EIF2AK2: variants seen among roughly 807,000 people sequenced by gnomAD.
EIF2AK2 encodes the protein interferon-induced, double-stranded RNA-activated protein kinase.
A neutral mutation model predicts 70.5 loss-of-function variants in EIF2AK2; 40 were observed. The observed-to-expected ratio is 0.57, with a 90% CI of 0.44 to 0.74. The LOEUF (loss-of-function observed/expected upper bound fraction) is 0.74, where lower values mean the gene tolerates loss of function less well. EIF2AK2 is among the 30% of genes least tolerant of loss of function. EIF2AK2 has a pLI of 0.00. For missense variants in EIF2AK2, 555 were observed against 644.3 expected (o/e 0.86, Z 1.50); for synonymous variants, 198 against 220.9 (o/e 0.90, Z 0.92).
chr2:37,107,801 A>C (rs1674013733), intron 15 of EIF2AK2, among the ~76,000 whole-genome samples: 1 of 152,144 alleles, frequency 6.6e-6, no homozygotes, highest in Admixed American at 6.5e-5. Context: ...TAACTGTTTT[A>C]CAGAGGATAA....
chr2:37,144,540 G>A (rs112284289), intron 4 of EIF2AK2, among the ~76,000 whole-genome samples: 377 of 152,014 alleles, frequency 2.5e-3, no homozygotes, highest in African/African-American at 8.9e-3. Context: ...TCCTGACGCT[G>A]TGTAGGCCTA....
intron 8 of EIF2AK2, 69 bp downstream of exon 8, chr2:37,138,201 G>GA (rs1675195296): frequency 7.4e-6 from 9 of 1,219,712 alleles, no homozygotes; most frequent in Non-Finnish European, 9.3e-6. Flanking sequence ...AATACTGGAA[G>GA]TTATTTTTAA....
Position 37,148,884 on chromosome 2 carries a change from C to A in EIF2AK2, c.-44G>T, listed in dbSNP as rs549560138. 6.7e-4 allele frequency: 562 copies of A among 833,986 alleles called. 1 individual carries two copies. Among genetic ancestry groups the A allele is most frequent in the Middle Eastern group, 1.6e-3 (7 of 4,492 alleles). 51.7% of individuals were successfully genotyped at this position (833,986 alleles called of 1,614,324 possible). ...GGTTGGAAGCTTTGTCCAAAATGCA[C>A]GCAGATAATCACGGAAGTGTGGATG... is the stretch of plus-strand genomic sequence containing the variant. On this transcript the variant is annotated 5_prime_UTR_variant, in exon 2 of 17. Coordinates refer to ENST00000233057, the MANE Select transcript of EIF2AK2 (RefSeq NM_001135651.3).
In EIF2AK2 at chr2:37,114,632, T is replaced by C. The variant is rs142084798; in HGVS notation, c.1377+99A>G. ...AATGGTAAGGAAAATTTTTAGTATATACTTCTGTACAGTTTTAATTATATA... is the reference window on the plus strand; with the variant it reads ...AATGGTAAGGAAAATTTTTAGTATACACTTCTGTACAGTTTTAATTATATA... On this transcript the variant is annotated intron_variant, in intron 14 of 16. Coordinates refer to ENST00000233057, the MANE Select transcript of EIF2AK2 (RefSeq NM_001135651.3). 1.2e-4 allele frequency: 139 copies of C among 1,119,758 alleles called. No homozygotes were observed. The African/African-American group carries it at 2.0e-3, about 16-fold the overall frequency. 69.4% of individuals were successfully genotyped at this position (1,119,758 alleles called of 1,614,324 possible). A position where few individuals can be genotyped will look rare whatever the true frequency, so the allele number is the denominator to read the frequency against.
intron 4 of EIF2AK2, among the ~76,000 whole-genome samples, chr2:37,142,879 T>C (rs1380610707): frequency 6.6e-6 from 1 of 152,170 alleles, no homozygotes; most frequent in African/African-American, 2.4e-5. Context: ...TTTCCTCTTC[T>C]CTCTAGATGC....
intron 13 of EIF2AK2, among the ~76,000 whole-genome samples, 162 bp from the exon 14 acceptor site, chr2:37,115,021 G>A (rs1050640532): frequency 3.3e-5 from 5 of 150,710 alleles, no homozygotes; most frequent in African/African-American, 1.2e-4. Flanking sequence ...TCTTTAAAAT[G>A]CCAGCTGAAA....
chr2:37,107,087 T>G lies in EIF2AK2; in HGVS notation c.*186A>C. 1.4e-6 allele frequency: 1 copy of G among 695,098 alleles called. No homozygotes were observed. The allele number at this position is 695,098 out of a possible 1,614,324, so 43.1% of individuals were successfully genotyped here. The stretch of plus-strand genomic sequence containing the variant: ...AGAGATGAGCCAGGAAAAAGTAAAA[T>G]GTAAGAATGTTTTTGAAGCAAAAAG... On this transcript the variant is annotated 3_prime_UTR_variant, in exon 17 of 17. Coordinates refer to ENST00000233057, the MANE Select transcript of EIF2AK2 (RefSeq NM_001135651.3).
chr2:37,140,632 T>C (rs1001337334), intron 5 of EIF2AK2, among the ~76,000 whole-genome samples: 1 of 151,712 alleles, frequency 6.6e-6, no homozygotes, highest in Non-Finnish European at 1.5e-5. Flanking sequence ...CTTCTTTCTT[T>C]TAGGTATCTA....
intron 14 of EIF2AK2, among the ~76,000 whole-genome samples, chr2:37,114,325 A>C (rs184041490): frequency 2.0e-5 from 3 of 152,056 alleles, no homozygotes; most frequent in African/African-American, 7.2e-5. Context: ...ACAACAACAA[A>C]AAATATTAAA....
chr2:37,116,895 G>C (rs769234881), intron 13 of EIF2AK2, among the ~76,000 whole-genome samples: 9 of 152,074 alleles, frequency 5.9e-5, no homozygotes, highest in Non-Finnish European at 1.0e-4. Context: ...GAAAATATCA[G>C]ATCACTTTTT....
chr2:37,145,442 C>T (rs563091755), intron 4 of EIF2AK2, among the ~76,000 whole-genome samples: 22 of 151,756 alleles, frequency 1.4e-4, no homozygotes, highest in Admixed American at 9.2e-4. Context: ...CGCGCCTGGC[C>T]GCGTTTGTGT....
chr2:37,114,984 C>A, intron 13 of EIF2AK2, 125 bp from the exon 14 acceptor site: 1 of 493,790 alleles, frequency 2.0e-6, no homozygotes. Context: ...CACAGGTAGC[C>A]AAAATCAGGG....
At chr2:37,127,120 G>A (rs1000011081) in intron 10 of EIF2AK2, among the ~76,000 whole-genome samples, 1 of 151,912 alleles carries the variant, frequency 6.6e-6, no homozygotes, top group East Asian at 1.9e-4. Flanking sequence ...AGCCTGCCTA[G>A]GTTTCTACTT....
Position 37,135,366 on chromosome 2 carries a change from A to G in EIF2AK2, c.785+118T>C, listed in dbSNP as rs571749704. ...TAAGACTATTGTTCTTACCCTGCGT[A>G]GTTAATCTTATTCAAATATTTTTAA... On this transcript the variant is annotated intron_variant, in intron 10 of 16. Transcript: ENST00000233057. 33 of 798,008 alleles carry G rather than the reference A, an allele frequency of 4.1e-5. No homozygotes were observed. In the Admixed American group the frequency reaches 5.2e-4, roughly 13 times the overall value. 49.4% of individuals were successfully genotyped at this position (798,008 alleles called of 1,614,324 possible).
rs57802509 is a variant in EIF2AK2, at chr2:37,126,967, G to GAA, written c.786-558_786-557dup. Among the ~76,000 whole-genome samples the GAA allele has an allele frequency of 3.7e-3, 193 of 52,146 alleles. 11 individuals carry two copies. The highest frequency in any genetic ancestry group is 8.3e-3 in the African/African-American group (108 of 13,078). 34.2% of individuals were successfully genotyped at this position (52,146 alleles called of 152,430 possible). On this transcript the variant is annotated intron_variant, in intron 10 of 16. Coordinates refer to ENST00000233057, the MANE Select transcript of EIF2AK2 (RefSeq NM_001135651.3). ...AATGAAACTCCATCTCAAAAAAACA[G>GAA]AAAAAAAAAAAAAAAAAAAAAAAAA...
At chr2:37,147,151 G>C (rs535174256) in intron 3 of EIF2AK2, among the ~76,000 whole-genome samples, 178 bp from the exon 4 acceptor site, 3 of 152,276 alleles carry the variant, frequency 2.0e-5, no homozygotes, top group South Asian at 2.1e-4. Flanking sequence ...AGCATGGAAA[G>C]GTTTCTACCC....
Position 37,114,745 on chromosome 2 carries a change from T to G in EIF2AK2, c.1363A>C (p.Met455Leu). The change falls in exon 14 of 17, where the codon ATG becomes CTG. Residue 455 changes from methionine (M) to leucine (L), a missense_variant. Coordinates refer to ENST00000233057, the MANE Select transcript of EIF2AK2 (RefSeq NM_001135651.3). ...AGAGACCTTACCTGTTCTGGGCTCA[T>G]GTATCGCAAAGTTCCCTTACTCCTT... ...RTRSKGTLRYMSPEQISSQDY... is the reference protein window; with the variant it reads ...RTRSKGTLRYLSPEQISSQDY... The G allele has an allele frequency of 6.3e-7, 1 of 1,590,562 alleles. No homozygotes were observed. Among genetic ancestry groups the G allele is most frequent in the East Asian group, 2.3e-5 (1 of 44,018 alleles).
intron 10 of EIF2AK2, 115 bp from the exon 11 acceptor site, chr2:37,126,526 A>C: frequency 2.8e-6 from 4 of 1,408,252 alleles, no homozygotes; most frequent in Non-Finnish European, 3.8e-6. Flanking sequence ...AACAAATTTG[A>C]TTCTCTCCTT....
intron 13 of EIF2AK2, among the ~76,000 whole-genome samples, chr2:37,118,440 C>T (rs79323842): frequency 1.1e-3 from 174 of 152,310 alleles, no homozygotes; most frequent in African/African-American, 3.9e-3. Flanking sequence ...AGGGCACACA[C>T]GGTGTGGGGC....
Sources: allele counts gnomAD v4.1 joint callset (sites outside exome capture counted in the v4.1 genomes callset), GRCh38; gene constraint gnomAD v4.1.1; transcripts MANE v1.5; gene names NCBI Gene and HGNC (gene_info 2026-07-23, HGNC 2026-07-21).